The following WASF3 variants were observed in gnomAD, a reference collection of about 807,000 sequenced individuals.
WASF3 encodes the protein actin-binding protein WASF3.
WASF3 carries 11 observed loss-of-function variants against 46.6 expected under a neutral mutation model. That is an observed-to-expected ratio of 0.24 (90% CI 0.15 to 0.39). The LOEUF is 0.39. WASF3 is among the 10% of genes least tolerant of loss of function. The pLI, the probability that WASF3 is intolerant of heterozygous loss-of-function variation, is 1.00. For missense variants in WASF3, 576 were observed against 669.8 expected (o/e 0.86, Z 1.55); for synonymous variants, 242 against 259.7 (o/e 0.93, Z 0.65).
In WASF3 at chr13:26,642,280, G is replaced by A. The variant is rs773765811; in HGVS notation, c.10G>A (p.Val4Met). 7 of 1,572,694 alleles carry A rather than the reference G, an allele frequency of 4.5e-6. No homozygotes were observed. The highest frequency in any genetic ancestry group is 6.0e-6 in the Non-Finnish European group (7 of 1,167,036). Residue 4 changes from valine to methionine, a missense_variant, in exon 3 of 10, where the codon GTG becomes ATG. Around this residue, in one of 3 missense-constraint regions of WASF3, gnomAD observed 213 missense variants for 278.0 expected, o/e 0.77. Transcript: ENST00000335327. Reference protein sequence around the residue: MPLVKRNIEPRHLC... With the variant: MPLMKRNIEPRHLC... ...TTTCAGATTGTGAACCATGCCTTTA[G>A]TGAAGAGGAACATTGAGCCCCGGCA...
chr13:26,685,936 A>T lies in WASF3; in HGVS notation c.*91A>T. 6.7e-7 allele frequency: 1 copy of T among 1,498,930 alleles called. No homozygotes were observed. The highest frequency in any genetic ancestry group is 9.0e-7 in the Non-Finnish European group (1 of 1,113,586). 92.9% of individuals were successfully genotyped at this position (1,498,930 alleles called of 1,614,324 possible). ...AATAGTGGTATTCTAATCCCGTAGCATAGCACCTTTTGTATAAACAATGTG... is the reference window on the plus strand; with the variant it reads ...AATAGTGGTATTCTAATCCCGTAGCTTAGCACCTTTTGTATAAACAATGTG... On this transcript the variant is annotated 3_prime_UTR_variant, in exon 10 of 10. Coordinates refer to ENST00000335327, the MANE Select transcript of WASF3 (RefSeq NM_006646.6).
intron 2 of WASF3, chr13:26,619,194 C>G (rs1045125844): frequency 6.6e-6 from 1 of 152,192 alleles, no homozygotes. Flanking sequence ...ACATGCCATA[C>G]ACAACCTGCT....
intron 1 of WASF3, among the ~76,000 whole-genome samples, chr13:26,566,571 G>T (rs140587850): frequency 6.6e-6 from 1 of 152,350 alleles, no homozygotes; most frequent in Non-Finnish European, 1.5e-5. Context: ...TGTTGGGGTC[G>T]TCATGGGTTA....
At chr13:26,541,495 A>G in the WASF3 span, among the ~76,000 whole-genome samples, 1 of 152,198 alleles carries the variant, frequency 6.6e-6, no homozygotes, top group South Asian at 2.1e-4. Context: ...ACAAGCACTT[A>G]AGTGGTGCCT....
intron 7 of WASF3, among the ~76,000 whole-genome samples, chr13:26,677,453 A>C (rs1049230614): frequency 6.6e-6 from 1 of 152,242 alleles, no homozygotes; most frequent in Non-Finnish European, 1.5e-5. Context: ...GCATTTAAAA[A>C]TTTGAATAGA....
intron 1 of WASF3, among the ~76,000 whole-genome samples, chr13:26,599,377 A>C (rs1880580105): frequency 3.3e-5 from 5 of 151,756 alleles, no homozygotes; most frequent in Admixed American, 3.3e-4. Flanking sequence ...AGAGATGGTA[A>C]AAGCTGATTT....
rs551177642 is a variant in WASF3 at position 26,592,225 on chromosome 13, T to A, written c.-108-20736T>A. Among the ~76,000 whole-genome samples, 75 of 152,276 alleles carry A rather than the reference T, an allele frequency of 4.9e-4. 2 individuals are homozygous for A. The South Asian group carries it at 0.015, about 31-fold the overall frequency. On this transcript the variant is annotated intron_variant, in intron 1 of 9. Coordinates refer to ENST00000335327, the MANE Select transcript of WASF3 (RefSeq NM_006646.6). ...CTGACAGCTGACTTTTTAAGAAGCA[T>A]GTGATTAATAGTAGTTTGAGTGATA...
Position 26,671,863 on chromosome 13 carries a change from G to C in WASF3, c.423-9G>C. ...TTTCTTCCCTGACTTACAATACATT[G>C]ATTTGTAGAGATGACAAGAAGGATG... On this transcript the variant is annotated splice_polypyrimidine_tract_variant and intron_variant, in intron 5 of 9. Transcript: ENST00000335327. 1 of 1,557,004 alleles carries C rather than the reference G, an allele frequency of 6.4e-7. No homozygotes were observed.
chr13:26,539,352 G>A, the WASF3 span, among the ~76,000 whole-genome samples: 1 of 152,174 alleles, frequency 6.6e-6, no homozygotes, highest in African/African-American at 2.4e-5. Context: ...AAAAATGAGA[G>A]AGAAGGAACC....
rs371051370 is a variant in WASF3 at position 26,676,691 on chromosome 13, C to T, written c.683C>T (p.Ala228Val). The change falls in exon 7 of 10, where the codon GCG (alanine) becomes GTG (valine). Residue 228 changes from alanine (A) to valine (V), a missense_variant. By Grantham distance (64) the Ala-to-Val change is moderately conservative. This residue lies in a region of WASF3 where 295 missense variants were observed against 291.5 expected (regional missense o/e 1.01). Transcript: ENST00000335327. ...NRLSQSVYHGASSEGSLSPDT... is the reference protein window; with the variant it reads ...NRLSQSVYHGVSSEGSLSPDT... ...TTGTCTCAGAGTGTGTACCATGGAG[C>T]GTCTTCCGAGGGATCCCTGTCCCCA... 21 of 1,613,886 alleles carry T rather than the reference C, an allele frequency of 1.3e-5. No homozygotes were observed. The highest frequency in any genetic ancestry group is 5.3e-5 in the African/African-American group (4 of 74,884).
At chr13:26,548,914 G>T in the WASF3 span, among the ~76,000 whole-genome samples, 1 of 151,584 alleles carries the variant, frequency 6.6e-6, no homozygotes, top group African/African-American at 2.4e-5. Flanking sequence ...TCTCTGATAC[G>T]CTGGTGGAAT....
chr13:26,554,745 A>G (rs1879062606), upstream of WASF3, among the ~76,000 whole-genome samples: 1 of 152,210 alleles, frequency 6.6e-6, no homozygotes, highest in Non-Finnish European at 1.5e-5. Context: ...TTATCATGAA[A>G]TAACATTCAA....
chr13:26,544,160 T>G, the WASF3 span, among the ~76,000 whole-genome samples: 354 of 152,306 alleles, frequency 2.3e-3, no homozygotes, highest in African/African-American at 8.2e-3. Flanking sequence ...CCAGACAATT[T>G]AGTTTTCAAG....
chr13:26,609,089 A>G (rs1880892416), intron 1 of WASF3, among the ~76,000 whole-genome samples: 1 of 152,220 alleles, frequency 6.6e-6, no homozygotes, highest in South Asian at 2.1e-4. Flanking sequence ...GTAAATCCAA[A>G]TACAATCAGA....
chr13:26,596,852 C>T (rs1196285960), intron 1 of WASF3, among the ~76,000 whole-genome samples: 2 of 152,206 alleles, frequency 1.3e-5, no homozygotes, highest in South Asian at 2.1e-4. Context: ...GAACCACCTT[C>T]TGCTATGTCC....
intron 2 of WASF3, chr13:26,640,927 C>T (rs1881978163): frequency 6.6e-6 from 1 of 152,086 alleles, no homozygotes; most frequent in Non-Finnish European, 1.5e-5. Context: ...TAGATCTTTT[C>T]TCTTCAAACA....
chr13:26,680,948 T>C lies in WASF3; in HGVS notation c.717-106T>C, dbSNP rs567392047. ...GATAGTAAAGCAAATTAATGTCTGA[T>C]TTTTGTGTATTAGCAATGTTATTAT... is the stretch of plus-strand genomic sequence containing the variant. On this transcript the variant is annotated intron_variant, in intron 7 of 9. Transcript: ENST00000335327. 6 of 1,394,672 alleles carry C rather than the reference T, an allele frequency of 4.3e-6. No homozygotes were observed. The African/African-American group carries it at 4.3e-5, about 10-fold the overall frequency. 86.4% of individuals were successfully genotyped at this position (1,394,672 alleles called of 1,614,324 possible).
chr13:26,573,335 A>G lies in WASF3; in HGVS notation c.-109+15516A>G, dbSNP rs1052662744. 2.6e-5 allele frequency among the ~76,000 whole-genome samples: 4 copies of G among 152,126 alleles called. No individual in the cohort carries two copies. The South Asian group carries it at 6.2e-4, about 24-fold the overall frequency. ...TTGTGCATTTGCTCATTTTTCCTTG[A>G]TAAACTTAGATTGTGCTTTATTTCA... On this transcript the variant is annotated intron_variant, in intron 1 of 9. Coordinates refer to ENST00000335327, the MANE Select transcript of WASF3 (RefSeq NM_006646.6).
intron 2 of WASF3, among the ~76,000 whole-genome samples, chr13:26,629,685 GC>G (rs139960958): frequency 0.047 from 7,153 of 152,226 alleles, 587 homozygotes; most frequent in African/African-American, 0.16. Flanking sequence ...GGAGGTCTGG[GC>G]TTCCTGCTCA....
Sources: gnomAD v4.1 joint callset for allele counts (sites outside exome capture counted in the v4.1 genomes callset) on GRCh38, gnomAD v4.1.1 for gene constraint, gnomAD v4.1.1 regional missense constraint, MANE v1.5 for transcripts, NCBI Gene and HGNC (gene_info 2026-07-23, HGNC 2026-07-21) for gene names.